NFILZ: variants seen among roughly 807,000 people sequenced by gnomAD.
NFILZ encodes NFIL3 like basic leucine zipper, also known as NFIL3 like protein.
At position 8,675,414 on chromosome 19, in the gene NFILZ, T is replaced by C. The variant is rs562044212; in HGVS notation, c.-114+814T>C. Among the ~76,000 whole-genome samples, 4 of 152,302 alleles carry C rather than the reference T, an allele frequency of 2.6e-5. No homozygotes were observed. The South Asian group carries it at 6.2e-4, about 24-fold the overall frequency. The stretch of plus-strand genomic sequence containing the variant: ...AACTGGGCTGAGGCAAGGGAGGTAG[T>C]CTTCCATCCTTGCTATATCTCTGGG... On this transcript the variant is annotated intron_variant, in intron 4 of 5. Transcript: ENST00000691075.
At chr19:8,665,031 C>T (rs531504042) in intron 3 of NFILZ, among the ~76,000 whole-genome samples, 6 of 152,116 alleles carry the variant, frequency 3.9e-5, no homozygotes, top group East Asian at 1.9e-4. Flanking sequence ...CTGGACCACA[C>T]GGAGCACACC....
intron 3 of NFILZ, among the ~76,000 whole-genome samples, chr19:8,648,324 T>A (rs1392604560): frequency 4.6e-5 from 7 of 151,058 alleles, no homozygotes; most frequent in African/African-American, 7.3e-5. Context: ...CTTAAAAAAA[T>A]AAATAAATAA....
intron 3 of NFILZ, among the ~76,000 whole-genome samples, chr19:8,647,477 C>T (rs995494295): frequency 2.6e-5 from 4 of 151,836 alleles, no homozygotes; most frequent in Admixed American, 1.3e-4. Flanking sequence ...GATACTGAGG[C>T]AGGAGAATCA....
At chr19:8,654,887 C>A (rs1164501180) in intron 3 of NFILZ, among the ~76,000 whole-genome samples, 1 of 152,118 alleles carries the variant, frequency 6.6e-6, no homozygotes, top group East Asian at 1.9e-4. Context: ...CCCACTCTGC[C>A]CCTGGAGTCC....
At chr19:8,676,101 GAA>G (rs777389496) in intron 4 of NFILZ, among the ~76,000 whole-genome samples, 328 of 152,246 alleles carry the variant, frequency 2.2e-3, no homozygotes, top group Non-Finnish European at 4.0e-3. Context: ...GTGAGTGAGT[GAA>G]TGAATGGATA....
chr19:8,676,574 C>T (rs1444939018), intron 5 of NFILZ, among the ~76,000 whole-genome samples, 118 bp downstream of exon 5: 3 of 152,170 alleles, frequency 2.0e-5, no homozygotes, highest in Non-Finnish European at 4.4e-5. Flanking sequence ...GTTTTGTGGC[C>T]TCACCCAATC....
chr19:8,656,726 A>G (rs2043005493), intron 3 of NFILZ, among the ~76,000 whole-genome samples: 1 of 152,190 alleles, frequency 6.6e-6, no homozygotes, highest in Non-Finnish European at 1.5e-5. Flanking sequence ...CACTTCTGCA[A>G]AGCAGCTAAT....
chr19:8,663,721 T>TGCA (rs2043043941), intron 3 of NFILZ, among the ~76,000 whole-genome samples: 2 of 116,738 alleles, frequency 1.7e-5, no homozygotes, highest in South Asian at 5.8e-4. Flanking sequence ...TGTGTGTGTG[T>TGCA]TTGTGTGTGT....
chr19:8,636,529 C>T (rs1238027608), intron 3 of NFILZ, among the ~76,000 whole-genome samples: 1 of 148,614 alleles, frequency 6.7e-6, no homozygotes, highest in African/African-American at 2.5e-5. Flanking sequence ...ACCGCAACCT[C>T]TGCCTCCTGG....
At chr19:8,637,810 G>A (rs2146136511) in intron 3 of NFILZ, among the ~76,000 whole-genome samples, 1 of 144,218 alleles carries the variant, frequency 6.9e-6, no homozygotes, top group South Asian at 2.2e-4. Flanking sequence ...GGGAGGCTGA[G>A]GCAGGAGAAT....
At chr19:8,656,789 G>C (rs1333937461) in intron 3 of NFILZ, among the ~76,000 whole-genome samples, 1 of 152,176 alleles carries the variant, frequency 6.6e-6, no homozygotes, top group Non-Finnish European at 1.5e-5. Context: ...GGAACTGAAG[G>C]GGGGTCTGGA....
intron 3 of NFILZ, among the ~76,000 whole-genome samples, chr19:8,659,961 G>A (rs1479643150): frequency 6.6e-6 from 1 of 152,172 alleles, no homozygotes; most frequent in African/African-American, 2.4e-5. Context: ...GAACTCCTGG[G>A]CCCGTTTCAC....
intron 3 of NFILZ, among the ~76,000 whole-genome samples, chr19:8,640,064 G>A (rs2042912480): frequency 6.6e-6 from 1 of 152,010 alleles, no homozygotes; most frequent in Admixed American, 6.6e-5. Flanking sequence ...GGGAAGCCTG[G>A]TGCCCTCTGT....
chr19:8,656,387 T>TGTGCACAAAG (rs2042998507), intron 3 of NFILZ, among the ~76,000 whole-genome samples: 2 of 63,256 alleles, frequency 3.2e-5, no homozygotes, highest in Admixed American at 1.5e-4. Flanking sequence ...AAGCCCACCT[T>TGTGCACAAAG]CTCCCGCAGC....
chr19:8,680,798 A>C lies in NFILZ; in HGVS notation c.*3163A>C, dbSNP rs1389431335. 1.3e-5 allele frequency among the ~76,000 whole-genome samples: 2 copies of C among 152,090 alleles called. No homozygotes were observed. Among genetic ancestry groups the C allele is most frequent in the Non-Finnish European group, 2.9e-5 (2 of 68,030 alleles). ...TGACATTTGAACAGAGACTTGAGAG[A>C]GATGAAGGGGGGAGTCATGCATGTA... On this transcript the variant is annotated 3_prime_UTR_variant, in exon 6 of 6. Coordinates refer to ENST00000691075, the MANE Select transcript of NFILZ (RefSeq NM_001378600.1).
chr19:8,678,061 TATTC>T lies in NFILZ; in HGVS notation c.*429_*432del, dbSNP rs1222940426. ...CCATCCATCCATCCATCCACCCATC[TATTC>T]ATCCATCCATCAATCCATCCATCCA... On this transcript the variant is annotated 3_prime_UTR_variant, in exon 6 of 6. Coordinates refer to ENST00000691075, the MANE Select transcript of NFILZ (RefSeq NM_001378600.1). Among the ~76,000 whole-genome samples, 1 of 7,928 alleles carries T rather than the reference TATTC, an allele frequency of 1.3e-4. No individual in the cohort carries two copies. Among genetic ancestry groups the T allele is most frequent in the Non-Finnish European group, 2.6e-4 (1 of 3,804 alleles). The allele number at this position is 7,928 out of a possible 152,430, so 5.2% of individuals were successfully genotyped here. A position where few individuals can be genotyped will look rare whatever the true frequency, so the allele number is the denominator to read the frequency against.
At chr19:8,650,331 G>A (rs782010959) in intron 3 of NFILZ, among the ~76,000 whole-genome samples, 2 of 151,966 alleles carry the variant, frequency 1.3e-5, no homozygotes, top group Non-Finnish European at 2.9e-5. Context: ...CATTGCATGA[G>A]TGAGTTAGCC....
intron 3 of NFILZ, among the ~76,000 whole-genome samples, chr19:8,638,320 G>A (rs927139821): frequency 6.6e-6 from 1 of 152,150 alleles, no homozygotes; most frequent in Non-Finnish European, 1.5e-5. Context: ...TGCGTTAGCC[G>A]CTGTGTGCAT....
intron 3 of NFILZ, among the ~76,000 whole-genome samples, chr19:8,653,372 C>T (rs1166753161): frequency 8.5e-5 from 13 of 152,128 alleles, no homozygotes; most frequent in East Asian, 3.9e-4. Flanking sequence ...TGAGCTACTG[C>T]GCCTGGCCTG....
Sources: gnomAD v4.1 joint callset for allele counts (sites outside exome capture counted in the v4.1 genomes callset) on GRCh38, gnomAD v4.1.1 for gene constraint, MANE v1.5 for transcripts, NCBI Gene and HGNC (gene_info 2026-07-23, HGNC 2026-07-21) for gene names.